The following AGBL4 variants were observed in gnomAD, a reference collection of about 807,000 sequenced individuals.
AGBL4 encodes the protein AGBL carboxypeptidase 4.
In AGBL4, 58 loss-of-function variants were observed where a neutral mutation model predicts 66.4. That is an observed-to-expected ratio of 0.87 (90% CI 0.71 to 1.09). The LOEUF (loss-of-function observed/expected upper bound fraction) is 1.09, where lower values mean the gene tolerates loss of function less well. Among genes scored for constraint, AGBL4 ranks in the 50% least tolerant of loss-of-function variants. The pLI is 0.00. For missense variants in AGBL4, 579 were observed against 631.0 expected (o/e 0.92, Z 0.88); for synonymous variants, 234 against 222.9 (o/e 1.05, Z -0.44).
At chr1:49,986,814 T>A (rs1572014618) in intron 1 of AGBL4, among the ~76,000 whole-genome samples, 1 of 152,254 alleles carries the variant, frequency 6.6e-6, no homozygotes, top group Admixed American at 6.5e-5. Flanking sequence ...CTTTCTTACA[T>A]GCTACCATTG....
At chr1:49,831,850 T>C in intron 2 of AGBL4, among the ~76,000 whole-genome samples, 1 of 152,214 alleles carries the variant, frequency 6.6e-6, no homozygotes, top group East Asian at 1.9e-4. Flanking sequence ...AGACCTTTTC[T>C]GCATCTATGG....
intron 6 of AGBL4, among the ~76,000 whole-genome samples, chr1:48,787,104 A>G (rs918836112): frequency 6.6e-6 from 1 of 152,164 alleles, no homozygotes; most frequent in African/African-American, 2.4e-5. Flanking sequence ...CCAAGGTCAC[A>G]CAGGAGTAAA....
At chr1:49,827,455 G>C (rs1206433984) in intron 2 of AGBL4, among the ~76,000 whole-genome samples, 1 of 152,084 alleles carries the variant, frequency 6.6e-6, no homozygotes, top group East Asian at 1.9e-4. Flanking sequence ...CATAAGTTTG[G>C]TTTGGAAAGC....
chr1:49,770,067 C>T (rs1272901317), intron 2 of AGBL4, among the ~76,000 whole-genome samples: 2 of 152,104 alleles, frequency 1.3e-5, no homozygotes, highest in South Asian at 2.1e-4. Context: ...CGGCTGGGCG[C>T]GGTGACTCAC....
intron 5 of AGBL4, among the ~76,000 whole-genome samples, chr1:48,952,632 C>A (rs1461999719): frequency 6.6e-6 from 1 of 152,134 alleles, no homozygotes; most frequent in Non-Finnish European, 1.5e-5. Context: ...GGTGATCTCG[C>A]CTCTGGTTTT....
intron 5 of AGBL4, among the ~76,000 whole-genome samples, chr1:48,904,235 C>T (rs762866939): frequency 4.6e-5 from 7 of 152,106 alleles, no homozygotes; most frequent in African/African-American, 1.7e-4. Flanking sequence ...GCCAAGATCA[C>T]GCCATTGCAC....
chr1:48,873,227 C>G (rs1648863772), intron 5 of AGBL4, among the ~76,000 whole-genome samples: 1 of 152,178 alleles, frequency 6.6e-6, no homozygotes, highest in Admixed American at 6.5e-5. Flanking sequence ...AGACTCTGAG[C>G]TCTAGCTATG....
intron 5 of AGBL4, among the ~76,000 whole-genome samples, chr1:48,888,802 T>G (rs1442106180): frequency 6.6e-6 from 1 of 152,322 alleles, no homozygotes. Context: ...CTTTGTTCCT[T>G]AGTCTATCCC....
intron 9 of AGBL4, among the ~76,000 whole-genome samples, chr1:48,604,248 G>A (rs1305948548): frequency 2.0e-5 from 3 of 152,142 alleles, no homozygotes; most frequent in South Asian, 2.1e-4. Context: ...TTTGCAATAT[G>A]GGACCTAAGT....
intron 4 of AGBL4, among the ~76,000 whole-genome samples, chr1:49,244,989 C>T (rs1651523833): frequency 1.3e-5 from 2 of 151,682 alleles, no homozygotes; most frequent in South Asian, 4.1e-4. Context: ...CTCCCTTACT[C>T]TTTATGGTCT....
rs530987063 is a variant in AGBL4, at chr1:50,011,897, C to T, written c.34+11866G>A. 1.8e-3 allele frequency among the ~76,000 whole-genome samples: 277 copies of T among 152,276 alleles called. 1 individual carries two copies. The highest frequency in any genetic ancestry group is 2.4e-3 in the Non-Finnish European group (160 of 68,014). On this transcript the variant is annotated intron_variant, in intron 1 of 13. Coordinates refer to ENST00000371839, the MANE Select transcript of AGBL4 (RefSeq NM_032785.4). ...TTTACCGGCCGGGCGCGATGGCTCACGCCTGTAATCCCAGCACTTTGGGAG... is the reference window on the plus strand; with the variant it reads ...TTTACCGGCCGGGCGCGATGGCTCATGCCTGTAATCCCAGCACTTTGGGAG...
chr1:49,036,132 A>C (rs865775858), intron 5 of AGBL4, among the ~76,000 whole-genome samples: 130 of 152,236 alleles, frequency 8.5e-4, no homozygotes, highest in African/African-American at 2.7e-3. Context: ...TGAAAAAAAA[A>C]CAGAAATAAA....
At chr1:49,921,570 G>A (rs1192338987) in intron 1 of AGBL4, among the ~76,000 whole-genome samples, 1 of 152,074 alleles carries the variant, frequency 6.6e-6, no homozygotes, top group Non-Finnish European at 1.5e-5. Flanking sequence ...GCCAGTAGTG[G>A]CTCAGTCCAA....
intron 5 of AGBL4, among the ~76,000 whole-genome samples, chr1:48,897,965 A>G (rs1288371529): frequency 2.6e-5 from 4 of 151,956 alleles, no homozygotes; most frequent in African/African-American, 9.7e-5. Context: ...ACATGCCACC[A>G]TACCCGGCTA....
intron 4 of AGBL4, among the ~76,000 whole-genome samples, chr1:49,157,107 T>C (rs1352327980): frequency 2.6e-5 from 4 of 152,118 alleles, no homozygotes; most frequent in African/African-American, 9.7e-5. Flanking sequence ...TATTATACTT[T>C]AAGTTCTAGG....
chr1:49,229,339 C>T (rs1044553199), intron 4 of AGBL4, among the ~76,000 whole-genome samples: 1 of 152,050 alleles, frequency 6.6e-6, no homozygotes, highest in Non-Finnish European at 1.5e-5. Flanking sequence ...TTACTAAACA[C>T]AGAAAAGACG....
intron 6 of AGBL4, among the ~76,000 whole-genome samples, chr1:48,860,519 T>G (rs1038604094): frequency 6.6e-6 from 1 of 152,122 alleles, no homozygotes; most frequent in Admixed American, 6.5e-5. Context: ...GAATCAGAGA[T>G]AAGCTTCTGC....
intron 3 of AGBL4, among the ~76,000 whole-genome samples, chr1:49,451,218 T>C (rs1445499730): frequency 2.0e-5 from 3 of 151,988 alleles, no homozygotes; most frequent in African/African-American, 7.2e-5. Context: ...TGCTACATCC[T>C]TCTTGTGGTG....
intron 6 of AGBL4, among the ~76,000 whole-genome samples, chr1:48,793,827 G>A (rs1645608080): frequency 2.0e-5 from 3 of 152,218 alleles, no homozygotes; most frequent in East Asian, 1.9e-4. Context: ...TTTTCAAAGC[G>A]GGTATAAAGT....
Sources: gnomAD v4.1 joint callset for allele counts (sites outside exome capture counted in the v4.1 genomes callset) on GRCh38, gnomAD v4.1.1 for gene constraint, MANE v1.5 for transcripts, NCBI Gene and HGNC (gene_info 2026-07-23, HGNC 2026-07-21) for gene names.